The following LOXL1 variants were observed in gnomAD, a reference collection of about 807,000 sequenced individuals.
LOXL1 encodes the protein lysyl oxidase homolog 1.
LOXL1 carries 31 observed loss-of-function variants against 62.2 expected under a neutral mutation model. The ratio of observed to expected loss-of-function variants is 0.50; its 90% CI spans 0.37 to 0.67. The LOEUF (loss-of-function observed/expected upper bound fraction) is 0.67. LOXL1 is among the 30% of genes least tolerant of loss of function. LOXL1 has a pLI of 0.00. For missense variants in LOXL1, 775 were observed against 843.4 expected (o/e 0.92, Z 1.00); for synonymous variants, 403 against 384.4 (o/e 1.05, Z -0.56).
In LOXL1 at chr15:73,927,836, G is replaced by GGGCCGC. The variant is rs1410365757; in HGVS notation, c.1054_1059dup (p.Gly352_Arg353dup). The GGGCCGC allele has an allele frequency of 2.2e-5, 30 of 1,345,130 alleles. No homozygotes were observed. The highest frequency in any genetic ancestry group is 2.7e-5 in the Non-Finnish European group (29 of 1,056,862). The allele number at this position is 1,345,130 out of a possible 1,614,324, so 83.3% of individuals were successfully genotyped here. ...GTGGGGAGCGGAACGGCGCGCAGCA[G>GGGCCGC]GGCCGCCTCAGCGTGGGCAGCGTGT... On this transcript the variant is annotated inframe_insertion, in exon 1 of 7. Coordinates refer to ENST00000261921, the MANE Select transcript of LOXL1 (RefSeq NM_005576.4).
intron 1 of LOXL1, among the ~76,000 whole-genome samples, chr15:73,939,028 T>A (rs1437353494): frequency 6.6e-6 from 1 of 152,138 alleles, no homozygotes; most frequent in Non-Finnish European, 1.5e-5. Flanking sequence ...CATTGGCCAC[T>A]CTGCTTGGAG....
At position 73,930,659 on chromosome 15, in the gene LOXL1, C is replaced by T. The variant is rs1040677671; in HGVS notation, c.1102+2774C>T. On this transcript the variant is annotated intron_variant, in intron 1 of 6. Coordinates refer to ENST00000261921, the MANE Select transcript of LOXL1 (RefSeq NM_005576.4). The surrounding 1 kb of genome is among the most constrained non-coding windows in gnomAD (Gnocchi z 4.7). ...TGTGGGCGTGGACGTGTCCTCACAA[C>T]ACCAAGCACATGTGAGCACCACCCA... is the stretch of plus-strand genomic sequence containing the variant. Among the ~76,000 whole-genome samples the T allele has an allele frequency of 2.6e-5, 4 of 152,282 alleles. No homozygotes were observed. Among genetic ancestry groups the T allele is most frequent in the Admixed American group, 2.0e-4 (3 of 15,304 alleles).
intron 4 of LOXL1, 111 bp downstream of exon 4, chr15:73,947,334 T>C: frequency 8.1e-7 from 1 of 1,234,366 alleles, no homozygotes; most frequent in Non-Finnish European, 1.1e-6. Context: ...CACTCAGCTC[T>C]GCTCACAGTG....
intron 2 of LOXL1, 65 bp from the exon 3 acceptor site, chr15:73,946,352 G>C: frequency 8.3e-7 from 1 of 1,208,440 alleles, no homozygotes; most frequent in East Asian, 2.4e-5. Flanking sequence ...GGCTGAGGGG[G>C]CCCATGCTGG....
chr15:73,946,604 A>G (rs1207520102), intron 3 of LOXL1, 50 bp downstream of exon 3: 1 of 1,558,296 alleles, frequency 6.4e-7, no homozygotes, highest in Non-Finnish European at 8.7e-7. Flanking sequence ...CCTCTGGGCC[A>G]GGGACCTTGG....
chr15:73,951,755 A>AG, intron 6 of LOXL1, 76 bp from the exon 7 acceptor site: 1 of 1,358,038 alleles, frequency 7.4e-7, no homozygotes, highest in Non-Finnish European at 9.9e-7. Flanking sequence ...GGGCTGTGGG[A>AG]GGGACGCCCT....
chr15:73,927,238 G>A lies in LOXL1; in HGVS notation c.455G>A (p.Gly152Glu). 1 of 1,598,136 alleles carries A rather than the reference G, an allele frequency of 6.3e-7. No homozygotes were observed. Among genetic ancestry groups the A allele is most frequent in the Non-Finnish European group, 8.5e-7 (1 of 1,176,744 alleles). The change falls in exon 1 of 7, where the codon GGG (glycine) becomes GAG (glutamate). Residue 152 changes from glycine to glutamate, a missense_variant. Transcript: ENST00000261921. ...ACCTCCGTCTCCCAGCAACGGCACGGGGGCTCCGCCTCCTCGGTCTCGGCT... is the reference window on the plus strand; with the variant it reads ...ACCTCCGTCTCCCAGCAACGGCACGAGGGCTCCGCCTCCTCGGTCTCGGCT... The part of the protein sequence containing the change: ...ARTSVSQQRH[G>E]GSASSVSASA...
At chr15:73,942,686 C>T (rs1250179926) in intron 1 of LOXL1, among the ~76,000 whole-genome samples, 168 bp from the exon 2 acceptor site, 2 of 152,070 alleles carry the variant, frequency 1.3e-5, no homozygotes, top group African/African-American at 2.4e-5. Context: ...TCCCTGACCC[C>T]ACACCTGGGC....
chr15:73,928,928 C>T (rs1175717614), intron 1 of LOXL1, among the ~76,000 whole-genome samples: 2 of 151,656 alleles, frequency 1.3e-5, no homozygotes, highest in East Asian at 1.9e-4. Flanking sequence ...CTGGCCCTGG[C>T]GGAGAGCCCC....
intron 2 of LOXL1, 78 bp downstream of exon 2, chr15:73,943,040 C>CCA: frequency 8.9e-6 from 10 of 1,126,156 alleles, no homozygotes; most frequent in Non-Finnish European, 1.1e-5. Context: ...GCTGTGGCTG[C>CCA]CAGCTAGGCT....
chr15:73,936,938 C>G (rs530186334), intron 1 of LOXL1, among the ~76,000 whole-genome samples: 1 of 152,344 alleles, frequency 6.6e-6, no homozygotes, highest in African/African-American at 2.4e-5. Flanking sequence ...TTTTAATCTC[C>G]AAGTGTTTAT....
chr15:73,950,836 C>G (rs2068779690), intron 6 of LOXL1, among the ~76,000 whole-genome samples: 1 of 152,206 alleles, frequency 6.6e-6, no homozygotes, highest in South Asian at 2.1e-4. Context: ...CATGCTGCCA[C>G]CACATCATGA....
chr15:73,950,375 CAG>C (rs900479536), intron 6 of LOXL1, among the ~76,000 whole-genome samples: 1 of 151,798 alleles, frequency 6.6e-6, no homozygotes, highest in African/African-American at 2.4e-5. Context: ...TCTTAAGGCC[CAG>C]AGAGGTATCT....
intron 2 of LOXL1, among the ~76,000 whole-genome samples, chr15:73,943,624 A>G (rs1414300156): frequency 1.4e-5 from 2 of 147,184 alleles, no homozygotes; most frequent in African/African-American, 2.5e-5. Context: ...TGCCTCTCGC[A>G]GTGTTTGCTT....
chr15:73,949,239 A>G (rs948114485), intron 5 of LOXL1, among the ~76,000 whole-genome samples: 2 of 152,162 alleles, frequency 1.3e-5, no homozygotes, highest in Non-Finnish European at 2.9e-5. Flanking sequence ...CTCTAGGGAA[A>G]CATCCAATCT....
At chr15:73,938,635 C>T (rs181048366) in intron 1 of LOXL1, among the ~76,000 whole-genome samples, 46 of 152,284 alleles carry the variant, frequency 3.0e-4, no homozygotes, top group Middle Eastern at 6.8e-3. Context: ...CACTTGAACC[C>T]GGGAAGCGGA....
intron 1 of LOXL1, among the ~76,000 whole-genome samples, chr15:73,929,198 T>G (rs2068618077): frequency 6.6e-6 from 1 of 152,242 alleles, no homozygotes. Flanking sequence ...GGTTTTCTAC[T>G]CAGTCCCCAA....
At chr15:73,948,583 G>C (rs2068763313) in intron 5 of LOXL1, among the ~76,000 whole-genome samples, 1 of 152,208 alleles carries the variant, frequency 6.6e-6, no homozygotes, top group Admixed American at 6.5e-5. Flanking sequence ...AGTAAAGGCA[G>C]AGCAGTGAAG....
In LOXL1 at chr15:73,927,308, G is replaced by A; in HGVS notation, c.525G>A (p.Gln175=). ...ACCGCCAGCAGCCCTCCTACCCGCA[G>A]CAGTTCCCCTACCCGCAGGCGCCCT... ...STYRQQPSYP[Q]QFPYPQAPFV... is the part of the protein sequence containing the mutation. The change falls in exon 1 of 7, where the codon CAG becomes CAA. Residue 175 remains glutamine, a synonymous_variant. Coordinates refer to ENST00000261921, the MANE Select transcript of LOXL1 (RefSeq NM_005576.4). 2 of 1,603,414 alleles carry A rather than the reference G, an allele frequency of 1.2e-6. No homozygotes were observed. The highest frequency in any genetic ancestry group is 8.5e-7 in the Non-Finnish European group (1 of 1,176,858).
Sources: allele counts gnomAD v4.1 joint callset (sites outside exome capture counted in the v4.1 genomes callset), GRCh38; gene constraint gnomAD v4.1.1; non-coding constraint Gnocchi (gnomAD v3.1); transcripts MANE v1.5; gene names NCBI Gene and HGNC (gene_info 2026-07-23, HGNC 2026-07-21).